RBFOX1: variants seen among roughly 807,000 people sequenced by gnomAD.
RBFOX1 encodes the protein RNA binding fox-1 homolog 1.
A neutral mutation model predicts 57.7 loss-of-function variants in RBFOX1; 8 were observed. The ratio of observed to expected loss-of-function variants is 0.14; its 90% CI spans 0.08 to 0.25. The LOEUF is 0.25. RBFOX1 is among the 10% of genes least tolerant of loss of function. The pLI is 1.00. For synonymous variants in RBFOX1, 326 were observed against 222.4 expected (o/e 1.47, Z -4.15); for missense variants, 611 against 548.5 (o/e 1.11, Z -1.14).
At chr16:6,029,169 T>G (rs1596499755) in intron 1 of RBFOX1, among the ~76,000 whole-genome samples, 1 of 152,218 alleles carries the variant, frequency 6.6e-6, no homozygotes, top group East Asian at 1.9e-4. Context: ...CTAGTTAGTG[T>G]GCTGTGATTT....
chr16:5,300,926 G>T (rs1370983940), intron 1 of RBFOX1, among the ~76,000 whole-genome samples: 1 of 152,152 alleles, frequency 6.6e-6, no homozygotes, highest in Non-Finnish European at 1.5e-5. Context: ...CTGTCTGCCT[G>T]TCTGTCTGTC....
intron 3 of RBFOX1, among the ~76,000 whole-genome samples, chr16:5,787,249 G>A (rs1434206429): frequency 6.6e-6 from 1 of 152,180 alleles, no homozygotes; most frequent in East Asian, 1.9e-4. Flanking sequence ...AGCACACCAA[G>A]GACACTGTTT....
intron 3 of RBFOX1, among the ~76,000 whole-genome samples, chr16:6,729,323 T>C (rs1052767415): frequency 2.0e-5 from 3 of 152,132 alleles, no homozygotes; most frequent in East Asian, 1.9e-4. Context: ...TTCTACTGTA[T>C]AGCATAGAGT....
intron 5 of RBFOX1, among the ~76,000 whole-genome samples, chr16:7,526,850 G>C (rs1261557461): frequency 6.6e-6 from 1 of 152,208 alleles, no homozygotes; most frequent in East Asian, 1.9e-4. Flanking sequence ...CACTGTGGCT[G>C]AGAAGCAGGA....
chr16:6,903,578 C>G (rs77127372), intron 3 of RBFOX1, among the ~76,000 whole-genome samples: 4,845 of 152,236 alleles, frequency 0.032, 150 homozygotes, highest in South Asian at 0.12. Context: ...CCCGCAATCA[C>G]TTATCCCAGA....
chr16:6,266,191 G>A (rs958695570), intron 1 of RBFOX1, among the ~76,000 whole-genome samples: 1 of 152,100 alleles, frequency 6.6e-6, no homozygotes, highest in African/African-American at 2.4e-5. Context: ...TATCAGCCTG[G>A]ACCCTTGAGA....
At chr16:7,391,579 T>C (rs1355056502) in intron 4 of RBFOX1, among the ~76,000 whole-genome samples, 1 of 152,246 alleles carries the variant, frequency 6.6e-6, no homozygotes, top group African/African-American at 2.4e-5. Context: ...GTACCTTTAC[T>C]GTATCACTTT....
At chr16:6,782,161 C>T (rs2081134392) in intron 3 of RBFOX1, among the ~76,000 whole-genome samples, 1 of 152,144 alleles carries the variant, frequency 6.6e-6, no homozygotes. Context: ...CATGCACCAC[C>T]ACACCCAGCT....
intron 2 of RBFOX1, among the ~76,000 whole-genome samples, chr16:6,355,087 A>C (rs192060046): frequency 6.6e-6 from 1 of 152,310 alleles, no homozygotes; most frequent in East Asian, 1.9e-4. Context: ...ACCATTCTCC[A>C]ATAACCCCTT....
At chr16:6,884,408 A>G (rs2063555153) in intron 3 of RBFOX1, among the ~76,000 whole-genome samples, 1 of 152,184 alleles carries the variant, frequency 6.6e-6, no homozygotes, top group African/African-American at 2.4e-5. Context: ...ACTTGTCTAC[A>G]AAAGGAGTGA....
intron 2 of RBFOX1, among the ~76,000 whole-genome samples, chr16:6,538,079 A>G (rs1385515145): frequency 6.6e-6 from 1 of 151,950 alleles, no homozygotes; most frequent in Non-Finnish European, 1.5e-5. Context: ...AATTATATAA[A>G]TATAAAATTA....
At chr16:6,766,179 A>AG (rs2077299681) in intron 3 of RBFOX1, among the ~76,000 whole-genome samples, 1 of 152,062 alleles carries the variant, frequency 6.6e-6, no homozygotes. Flanking sequence ...TTAGATATGG[A>AG]GAAAAAAAAA....
chr16:5,458,820 C>A (rs1256150812), intron 1 of RBFOX1, among the ~76,000 whole-genome samples: 1 of 152,232 alleles, frequency 6.6e-6, no homozygotes, highest in Non-Finnish European at 1.5e-5. Context: ...TTGGTTCTTA[C>A]TGAGTTCCTG....
intron 1 of RBFOX1, among the ~76,000 whole-genome samples, chr16:5,453,734 A>G (rs188056927): frequency 6.6e-6 from 1 of 152,320 alleles, no homozygotes; most frequent in Non-Finnish European, 1.5e-5. Flanking sequence ...GGTGCAAAAC[A>G]CCAGTTAGAG....
At chr16:6,379,139 G>T (rs1226913764) in intron 2 of RBFOX1, among the ~76,000 whole-genome samples, 1 of 152,112 alleles carries the variant, frequency 6.6e-6, no homozygotes, top group Non-Finnish European at 1.5e-5. Context: ...AATAAAGAAT[G>T]GTTTGAGAAG....
intron 1 of RBFOX1, among the ~76,000 whole-genome samples, chr16:5,340,726 A>G (rs1014944433): frequency 3.9e-4 from 60 of 152,368 alleles, no homozygotes; most frequent in Middle Eastern, 3.4e-3. Flanking sequence ...TCATTTATAG[A>G]GTGTTTGCCA....
chr16:6,709,011 TG>T (rs1405245874), intron 3 of RBFOX1, among the ~76,000 whole-genome samples: 30 of 152,214 alleles, frequency 2.0e-4, no homozygotes, highest in African/African-American at 6.3e-4. Flanking sequence ...ATTCCCTGAC[TG>T]TGCCTCTTTG....
At chr16:7,535,907 C>G (rs1383639413) in intron 5 of RBFOX1, among the ~76,000 whole-genome samples, 1 of 152,086 alleles carries the variant, frequency 6.6e-6, no homozygotes, top group East Asian at 1.9e-4. Context: ...TCATTTATTC[C>G]TGAATATTTC....
At chr16:6,555,657 G>A (rs1354330477) in intron 2 of RBFOX1, among the ~76,000 whole-genome samples, 1 of 152,014 alleles carries the variant, frequency 6.6e-6, no homozygotes, top group Admixed American at 6.6e-5. Flanking sequence ...CCAAGATCAT[G>A]CCACTGCACT....
Sources: allele counts gnomAD v4.1 joint callset (sites outside exome capture counted in the v4.1 genomes callset), GRCh38; gene constraint gnomAD v4.1.1; transcripts MANE v1.5; gene names NCBI Gene and HGNC (gene_info 2026-07-23, HGNC 2026-07-21).